WDR5: variants seen among roughly 807,000 people sequenced by gnomAD.
WDR5 encodes WD repeat domain 5.
For synonymous variants in WDR5, 144 were observed against 161.6 expected (o/e 0.89, Z 0.83); for missense variants, 187 against 416.9 (o/e 0.45, Z 4.80).
intron 4 of WDR5, 83 bp downstream of exon 4, chr9:134,141,666 TG>T (rs1321550353): frequency 2.1e-5 from 30 of 1,402,196 alleles, no homozygotes; most frequent in Middle Eastern, 3.6e-4. Context: ...CTTCGAGAGC[TG>T]TGGGTTCAGG....
chr9:134,141,676 G>C (rs1288136860), intron 4 of WDR5, 93 bp downstream of exon 4: 3 of 1,332,016 alleles, frequency 2.3e-6, no homozygotes, highest in Non-Finnish European at 2.1e-6. Context: ...TGTGGGTTCA[G>C]GTTTTAAGTT....
intron 8 of WDR5, among the ~76,000 whole-genome samples, chr9:134,150,656 A>G (rs1832442734): frequency 6.6e-6 from 1 of 152,220 alleles, no homozygotes; most frequent in Non-Finnish European, 1.5e-5. Context: ...AGCCACCAAC[A>G]CTGCTTTTCA....
At chr9:134,143,763 C>T (rs1459894881) in intron 7 of WDR5, among the ~76,000 whole-genome samples, 1 of 151,770 alleles carries the variant, frequency 6.6e-6, no homozygotes, top group Admixed American at 6.6e-5. Context: ...GATCCTCCCG[C>T]CTTGGCCTCC....
chr9:134,148,272 T>TCTCCTTA lies in WDR5; in HGVS notation c.529-15_529-9dup. On this transcript the variant is annotated splice_polypyrimidine_tract_variant and intron_variant, in intron 7 of 13. Coordinates refer to ENST00000358625, the MANE Select transcript of WDR5 (RefSeq NM_017588.3). ...AAAGTAAGTTTTTGTCTCTTCTTCC[T>TCTCCTTA]CTCCTTAATTCCTAGGTTCATTTTA... The TCTCCTTA allele has an allele frequency of 6.4e-7, 1 of 1,563,112 alleles. No homozygotes were observed. Among genetic ancestry groups the TCTCCTTA allele is most frequent in the Non-Finnish European group, 8.7e-7 (1 of 1,148,004 alleles).
chr9:134,154,809 A>T (rs1832675809), intron 10 of WDR5, among the ~76,000 whole-genome samples: 1 of 152,212 alleles, frequency 6.6e-6, no homozygotes, highest in Non-Finnish European at 1.5e-5. Flanking sequence ...AGGCCTAGCC[A>T]TCCCGCATGA....
At chr9:134,140,983 G>T (rs1486974263) in intron 3 of WDR5, among the ~76,000 whole-genome samples, 172 bp downstream of exon 3, 1 of 152,194 alleles carries the variant, frequency 6.6e-6, no homozygotes, top group Admixed American at 6.5e-5. Flanking sequence ...CTCAGTGCTG[G>T]TTGAAATTGC....
rs536642878 is a variant in WDR5, at chr9:134,143,729, G to A, written c.528+1010G>A. Among the ~76,000 whole-genome samples the A allele has an allele frequency of 1.6e-4, 24 of 151,652 alleles. No homozygotes were observed. In the East Asian group the frequency reaches 3.1e-3, roughly 20 times the overall value. On this transcript the variant is annotated intron_variant, in intron 7 of 13. Coordinates refer to ENST00000358625, the MANE Select transcript of WDR5 (RefSeq NM_017588.3). ...TTTTTAGTAGAGACGGGGTTTCACCGTGGTTTCGATCTCCTGAGCTCGTGA... is the reference window on the plus strand; with the variant it reads ...TTTTTAGTAGAGACGGGGTTTCACCATGGTTTCGATCTCCTGAGCTCGTGA...
chr9:134,144,443 T>G (rs2132542747), intron 7 of WDR5, among the ~76,000 whole-genome samples: 1 of 152,326 alleles, frequency 6.6e-6, no homozygotes, highest in Admixed American at 6.5e-5. Flanking sequence ...AAGAATTCTG[T>G]GAGCATCCTA....
chr9:134,158,023 T>G lies in WDR5; in HGVS notation c.*30T>G, dbSNP rs1402225885. ...CTTTGCTCCTGCCCGCGAGAGACTGTCGGGAAGTTGACCCGGATTGGCAAG... is the reference window on the plus strand; with the variant it reads ...CTTTGCTCCTGCCCGCGAGAGACTGGCGGGAAGTTGACCCGGATTGGCAAG... On this transcript the variant is annotated 3_prime_UTR_variant, in exon 14 of 14. Transcript: ENST00000358625. The G allele has an allele frequency of 1.6e-5, 25 of 1,604,878 alleles. No homozygotes were observed. The highest frequency in any genetic ancestry group is 2.0e-5 in the Non-Finnish European group (23 of 1,171,824).
At position 134,141,942 on chromosome 9, in the gene WDR5, C is replaced by T. The variant is rs776662288; in HGVS notation, c.265-7C>T. 3 of 1,613,150 alleles carry T rather than the reference C, an allele frequency of 1.9e-6. No individual in the cohort carries two copies. In the Admixed American group the frequency reaches 5.0e-5, roughly 27 times the overall value. On this transcript the variant is annotated splice_region_variant and splice_polypyrimidine_tract_variant and intron_variant, in intron 4 of 13. Transcript: ENST00000358625. ...TCAAGTTACTGACCCTGTTTTTTCT[C>T]CCCAAGGGAATATCCGATGTAGCCT...
At position 134,157,066 on chromosome 9, in the gene WDR5, C is replaced by T. The variant is rs979060733; in HGVS notation, c.904+473C>T. On this transcript the variant is annotated intron_variant, in intron 13 of 13. Transcript: ENST00000358625. This position sits in a 1 kb window ranked among gnomAD's most constrained non-coding sequence, Gnocchi z 5.0. Reference sequence around the variant, plus strand: ...TTCCCAGGCTACCTGGGGTTGCCACCTCTGTGGGTCCCGGCTGCCCTCTGC... The same window carrying T: ...TTCCCAGGCTACCTGGGGTTGCCACTTCTGTGGGTCCCGGCTGCCCTCTGC... Among the ~76,000 whole-genome samples the T allele has an allele frequency of 2.6e-5, 4 of 152,148 alleles. No homozygotes were observed. Among genetic ancestry groups the T allele is most frequent in the Non-Finnish European group, 4.4e-5 (3 of 68,018 alleles).
chr9:134,157,155 A>G lies in WDR5; in HGVS notation c.904+562A>G, dbSNP rs1190680870. On this transcript the variant is annotated intron_variant, in intron 13 of 13. Coordinates refer to ENST00000358625, the MANE Select transcript of WDR5 (RefSeq NM_017588.3). The surrounding 1 kb of genome is among the most constrained non-coding windows in gnomAD (Gnocchi z 5.0). ...CACGTCTCATGGAGCCAACGAGAGC[A>G]GGGGGTTCGAGCCCTTGTGGAAATC... is the stretch of plus-strand genomic sequence containing the variant. 6.6e-6 allele frequency among the ~76,000 whole-genome samples: 1 copy of G among 151,970 alleles called. No homozygotes were observed. The highest frequency in any genetic ancestry group is 1.9e-4 in the East Asian group (1 of 5,160).
intron 4 of WDR5, 36 bp from the exon 5 acceptor site, chr9:134,141,913 C>T (rs756762190): frequency 6.3e-7 from 1 of 1,594,910 alleles, no homozygotes; most frequent in Non-Finnish European, 8.6e-7. Flanking sequence ...CCTATTTTGT[C>T]CTGTCAAGTT....
intron 10 of WDR5, 126 bp downstream of exon 10, chr9:134,154,667 C>A: frequency 9.1e-7 from 1 of 1,096,762 alleles, no homozygotes; most frequent in Non-Finnish European, 1.3e-6. Context: ...CCTGGTGGAG[C>A]TTCGGCTTCT....
chr9:134,156,276 T>C (rs1832736699), intron 12 of WDR5, among the ~76,000 whole-genome samples: 1 of 152,204 alleles, frequency 6.6e-6, no homozygotes, highest in Admixed American at 6.5e-5. Context: ...GGTGCCTGGC[T>C]TCTGTGAGCG....
intron 1 of WDR5, among the ~76,000 whole-genome samples, chr9:134,138,501 T>TGGC (rs1831700679): frequency 1.3e-5 from 2 of 152,240 alleles, no homozygotes; most frequent in Non-Finnish European, 2.9e-5. Context: ...AAGTACCACG[T>TGGC]AGCTGGCATT....
At chr9:134,148,463 G>C (rs1487657916) in intron 8 of WDR5, 120 bp downstream of exon 8, 2 of 861,286 alleles carry the variant, frequency 2.3e-6, no homozygotes, top group Non-Finnish European at 3.6e-6. Context: ...AATTTCCGAA[G>C]CTTCTCTTCT....
rs1391796045 is a variant in WDR5 at position 134,157,870 on chromosome 9, TCTGA to T, written c.905-19_905-16del. Reference sequence around the variant, plus strand: ...ACCCAGGCGCAGGGATGGCTCTGGTTCTGACTGTGTCTTTGTTTTCAGATGTCGT... The same window carrying T: ...ACCCAGGCGCAGGGATGGCTCTGGTTCTGTGTCTTTGTTTTCAGATGTCGT... On this transcript the variant is annotated intron_variant, in intron 13 of 13. Coordinates refer to ENST00000358625, the MANE Select transcript of WDR5 (RefSeq NM_017588.3). This position sits in a 1 kb window ranked among gnomAD's most constrained non-coding sequence, Gnocchi z 5.0. 2 of 1,613,018 alleles carry T rather than the reference TCTGA, an allele frequency of 1.2e-6. No homozygotes were observed. Among genetic ancestry groups the T allele is most frequent in the South Asian group, 2.2e-5 (2 of 91,066 alleles).
intron 9 of WDR5, among the ~76,000 whole-genome samples, 189 bp from the exon 10 acceptor site, chr9:134,154,277 A>T (rs750923280): frequency 4.6e-5 from 7 of 152,076 alleles, no homozygotes; most frequent in African/African-American, 9.7e-5. Context: ...AGGTGTCAAG[A>T]ACCTGCTCAC....
Sources: allele counts gnomAD v4.1 joint callset (sites outside exome capture counted in the v4.1 genomes callset), GRCh38; gene constraint gnomAD v4.1.1; non-coding constraint Gnocchi (gnomAD v3.1); transcripts MANE v1.5; gene names NCBI Gene and HGNC (gene_info 2026-07-23, HGNC 2026-07-21).